Variants in TRIM22 observed in about 807,000 individuals in gnomAD.
TRIM22 encodes the protein tripartite motif containing 22.
In TRIM22, 45 loss-of-function variants were observed where a neutral mutation model predicts 53.6. The observed-to-expected ratio is 0.84, with a 90% CI of 0.66 to 1.08. The LOEUF (loss-of-function observed/expected upper bound fraction) is 1.08. Among genes scored for constraint, TRIM22 ranks in the 50% least tolerant of loss-of-function variants. The probability of loss-of-function intolerance (pLI) is 0.00; values close to 1 mark genes in which losing one functional copy is unlikely to be tolerated. For missense variants in TRIM22, 616 were observed against 590.9 expected (o/e 1.04, Z -0.44); for synonymous variants, 225 against 216.6 (o/e 1.04, Z -0.34).
At chr11:5,703,442 G>A (rs1224544831) in intron 4 of TRIM22, among the ~76,000 whole-genome samples, 1 of 150,800 alleles carries the variant, frequency 6.6e-6, no homozygotes, top group African/African-American at 2.4e-5. Flanking sequence ...CTGGAGAGCA[G>A]TGGCGCAATC....
At chr11:5,703,515 A>G (rs1853407488) in intron 4 of TRIM22, among the ~76,000 whole-genome samples, 1 of 151,422 alleles carries the variant, frequency 6.6e-6, no homozygotes, top group Non-Finnish European at 1.5e-5. Context: ...CCTCCCGAGT[A>G]GCTGGGACTA....
intron 5 of TRIM22, 46 bp downstream of exon 5, chr11:5,706,662 T>C: frequency 1.3e-6 from 2 of 1,562,756 alleles, no homozygotes; most frequent in Non-Finnish European, 1.7e-6. Context: ...GAAAAGAGAA[T>C]TATAGTCCTG....
intron 4 of TRIM22, among the ~76,000 whole-genome samples, chr11:5,700,230 C>A (rs886068193): frequency 6.6e-6 from 1 of 151,708 alleles, no homozygotes; most frequent in Non-Finnish European, 1.5e-5. Context: ...TCAAATAATT[C>A]TCCTGCCTCA....
At chr11:5,705,606 AC>A (rs11287626) in intron 4 of TRIM22, among the ~76,000 whole-genome samples, 20,126 of 152,176 alleles carry the variant, frequency 0.13, 1,628 homozygotes, top group African/African-American at 0.23. Context: ...GTCAGATCAG[AC>A]AGCGGGAGAT....
At chr11:5,695,405 G>A (rs975374506) in intron 1 of TRIM22, among the ~76,000 whole-genome samples, 4 of 151,892 alleles carry the variant, frequency 2.6e-5, no homozygotes, top group Non-Finnish European at 2.9e-5. Flanking sequence ...TTTACATGGG[G>A]AAAAAAGTCA....
intron 4 of TRIM22, among the ~76,000 whole-genome samples, chr11:5,699,888 G>T: frequency 6.6e-6 from 1 of 151,294 alleles, no homozygotes; most frequent in Non-Finnish European, 1.5e-5. Flanking sequence ...TTTACTTTTG[G>T]TGCTATTGTA....
chr11:5,707,208 C>G (rs76234690), intron 5 of TRIM22, among the ~76,000 whole-genome samples: 1 of 152,108 alleles, frequency 6.6e-6, no homozygotes, highest in Non-Finnish European at 1.5e-5. Flanking sequence ...TTTTTTTAAA[C>G]ACATGAAAAT....
rs200915295 is a variant in TRIM22, at chr11:5,709,455, T to G, written c.1304T>G (p.Phe435Cys). Reference protein sequence around the residue: ...SSSDPKVLTLFMAVPPCRIGV... With the variant: ...SSSDPKVLTLCMAVPPCRIGV... ...TCTGATCCCAAGGTTTTGACTCTCT[T>G]TATGGCTGTGCCTCCCTGTCGTATT... Residue 435 changes from phenylalanine (F) to cysteine (C), a missense_variant, in exon 8 of 8, where the codon TTT becomes TGT. Coordinates refer to ENST00000379965, the MANE Select transcript of TRIM22 (RefSeq NM_006074.5). 6.9e-5 allele frequency: 111 copies of G among 1,614,126 alleles called. No individual in the cohort carries two copies. Among genetic ancestry groups the G allele is most frequent in the Non-Finnish European group, 9.0e-5 (106 of 1,180,054 alleles).
chr11:5,692,768 T>C (rs897188478), intron 1 of TRIM22, among the ~76,000 whole-genome samples: 20 of 131,210 alleles, frequency 1.5e-4, no homozygotes, highest in Non-Finnish European at 3.1e-4. Context: ...GAGACCAGCC[T>C]GGGCAACGCA....
In TRIM22 at chr11:5,697,256, G is replaced by A. The variant is rs773308232; in HGVS notation, c.432G>A (p.Leu144=). The change falls in exon 3 of 8, where the codon CTG becomes CTA. Residue 144 remains leucine, a synonymous_variant. Coordinates refer to ENST00000379965, the MANE Select transcript of TRIM22 (RefSeq NM_006074.5). Reference sequence around the variant, plus strand: ...TAATTTATTTCTTACAGGAAAAGCTGCAGGTAGCCCTGCAGAGGCTGATAA... The same window carrying A: ...TAATTTATTTCTTACAGGAAAAGCTACAGGTAGCCCTGCAGAGGCTGATAA... ...NEVVKECQEK[L]QVALQRLIKE... 6.2e-7 allele frequency: 1 copy of A among 1,609,016 alleles called. No homozygotes were observed. The highest frequency in any genetic ancestry group is 1.1e-5 in the South Asian group (1 of 90,236).
intron 1 of TRIM22, among the ~76,000 whole-genome samples, chr11:5,695,894 T>C (rs1355301463): frequency 6.6e-6 from 1 of 152,180 alleles, no homozygotes; most frequent in Non-Finnish European, 1.5e-5. Context: ...CACGAAGCTC[T>C]TGGTAGAAGA....
Position 5,708,205 on chromosome 11 carries a change from C to A in TRIM22, c.806C>A (p.Ser269Tyr), listed in dbSNP as rs1427935731. ...AGCTGGACATTGAAGAAGCCAAAAT[C>A]TGTTTCCAAGAAACTAAAGAGTGTA... ...SESWTLKKPKSVSKKLKSVFR... is the reference protein window; with the variant it reads ...SESWTLKKPKYVSKKLKSVFR... The change falls in exon 6 of 8, where the codon TCT (serine) becomes TAT (tyrosine). Residue 269 changes from serine (S) to tyrosine (Y), a missense_variant. Physicochemically the swap from Ser to Tyr is moderately radical, Grantham distance 144. Transcript: ENST00000379965. 1.9e-6 allele frequency: 3 copies of A among 1,614,186 alleles called. No individual in the cohort carries two copies. Among genetic ancestry groups the A allele is most frequent in the Admixed American group, 1.7e-5 (1 of 60,026 alleles).
chr11:5,708,108 C>T (rs1473324461), intron 5 of TRIM22, 65 bp from the exon 6 acceptor site: 4 of 1,292,248 alleles, frequency 3.1e-6, no homozygotes, highest in African/African-American at 2.9e-5. Flanking sequence ...GTGAAAGAGA[C>T]AGTGATCTTG....
Position 5,696,212 on chromosome 11 carries a change from G to A in TRIM22, c.-21G>A, listed in dbSNP as rs1363971144. ...AAGAACTTCAAGAGTCAAGACAGAA[G>A]GAAGCCAAGGGAGCAGTGCAATGGA... On this transcript the variant is annotated 5_prime_UTR_variant, in exon 2 of 8. Coordinates refer to ENST00000379965, the MANE Select transcript of TRIM22 (RefSeq NM_006074.5). 3.2e-6 allele frequency: 5 copies of A among 1,579,446 alleles called. No individual in the cohort carries two copies. In the East Asian group the frequency reaches 1.1e-4, roughly 35 times the overall value.
chr11:5,692,889 T>TC, intron 1 of TRIM22, among the ~76,000 whole-genome samples: 1 of 151,164 alleles, frequency 6.6e-6, no homozygotes, highest in Non-Finnish European at 1.5e-5. Context: ...TTTTTTTTTT[T>TC]TTCTTTTGAC....
intron 4 of TRIM22, among the ~76,000 whole-genome samples, chr11:5,705,213 G>T (rs1564943243): frequency 6.6e-6 from 1 of 152,118 alleles, no homozygotes. Context: ...CTCAATTGGA[G>T]TCGATGGTTT....
Position 5,696,276 on chromosome 11 carries a change from G to T in TRIM22, c.44G>T (p.Cys15Phe). The T allele has an allele frequency of 6.2e-7, 1 of 1,613,916 alleles. No homozygotes were observed. The highest frequency in any genetic ancestry group is 8.5e-7 in the Non-Finnish European group (1 of 1,179,892). The change falls in exon 2 of 8, where the codon TGC becomes TTC. Residue 15 changes from cysteine (C) to phenylalanine (F), a missense_variant. Transcript: ENST00000379965. ...VKVDIEKEVT[C>F]PICLELLTEP... ...GTAGACATAGAGAAGGAGGTGACCT[G>T]CCCCATCTGCCTGGAGCTCCTGACA...
chr11:5,706,426 A>T, intron 4 of TRIM22, 168 bp from the exon 5 acceptor site: 1 of 459,500 alleles, frequency 2.2e-6, no homozygotes, highest in Non-Finnish European at 3.6e-6. Context: ...GTTTAATTTC[A>T]GATAAAAGAA....
In TRIM22 at chr11:5,698,528, T is replaced by A. The variant is rs776361597; in HGVS notation, c.733T>A (p.Ser245Thr). The A allele has an allele frequency of 2.5e-6, 4 of 1,613,114 alleles. No individual in the cohort carries two copies. In the East Asian group the frequency reaches 8.9e-5, roughly 36 times the overall value. The change falls in exon 4 of 8, where the codon TCA (serine) becomes ACA (threonine). Residue 245 changes from serine (S) to threonine (T), a missense_variant. Physicochemically the swap from Ser to Thr is moderately conservative, Grantham distance 58 (BLOSUM62 1). Coordinates refer to ENST00000379965, the MANE Select transcript of TRIM22 (RefSeq NM_006074.5). ...SDLQRRLRGS[S>T]VEMLQDVIDV... Reference sequence around the variant, plus strand: ...TCTCCAGCGGAGGTTGAGGGGATCGTCAGTAGAGATGCTGCAGGTAAGACT... The same window carrying A: ...TCTCCAGCGGAGGTTGAGGGGATCGACAGTAGAGATGCTGCAGGTAAGACT...
Sources: allele counts gnomAD v4.1 joint callset (sites outside exome capture counted in the v4.1 genomes callset), GRCh38; gene constraint gnomAD v4.1.1; transcripts MANE v1.5; gene names NCBI Gene and HGNC (gene_info 2026-07-23, HGNC 2026-07-21).